Variants in GRIK2 observed in about 807,000 individuals in gnomAD.
GRIK2 encodes the protein glutamate ionotropic receptor kainate type subunit 2.
In GRIK2, 32 loss-of-function variants were observed where a neutral mutation model predicts 100.3. That is an observed-to-expected ratio of 0.32 (90% CI 0.24 to 0.43). GRIK2 has a LOEUF of 0.43. Ranked by LOEUF, GRIK2 falls within the 20% of genes least tolerant of loss-of-function variation. The probability of loss-of-function intolerance (pLI) is 1.00; values close to 1 mark genes in which losing one functional copy is unlikely to be tolerated. For synonymous variants in GRIK2, 417 were observed against 389.4 expected, an observed-to-expected ratio of 1.07 and a Z score of -0.83; for missense variants, 843 against 1,114.9, an observed-to-expected ratio of 0.76 and a Z score of 3.47.
intron 2 of GRIK2, among the ~76,000 whole-genome samples, chr6:101,569,277 A>AG (rs1777426316): frequency 6.6e-6 from 1 of 152,020 alleles, no homozygotes; most frequent in Non-Finnish European, 1.5e-5. Context: ...AAATTATATA[A>AG]GGGAAAAATA....
chr6:101,940,121 G>A (rs1790868086), intron 14 of GRIK2, among the ~76,000 whole-genome samples: 1 of 152,126 alleles, frequency 6.6e-6, no homozygotes, highest in Non-Finnish European at 1.5e-5. Context: ...TTCACAAGAA[G>A]CCAAATATAC....
intron 7 of GRIK2, among the ~76,000 whole-genome samples, chr6:101,769,793 C>T (rs140126529): frequency 4.6e-5 from 7 of 152,106 alleles, no homozygotes; most frequent in East Asian, 1.9e-4. Flanking sequence ...GGAATATGCA[C>T]GTCAAAGTAA....
intron 2 of GRIK2, among the ~76,000 whole-genome samples, chr6:101,607,336 C>T (rs1779483143): frequency 1.3e-5 from 2 of 151,936 alleles, no homozygotes; most frequent in Admixed American, 1.3e-4. Flanking sequence ...AACATGTACA[C>T]TGTACACAGT....
chr6:101,676,741 A>G lies in GRIK2; in HGVS notation c.660A>G (p.Arg220=). ...AACCCTTACTAAAAGAAATGAAAAGAGGCAAGGAGTTTCATGTAATCTTTG... is the reference window on the plus strand; with the variant it reads ...AACCCTTACTAAAAGAAATGAAAAGGGGCAAGGAGTTTCATGTAATCTTTG... ...DAKPLLKEMK[R]GKEFHVIFDC... is the part of the protein sequence containing the mutation. Residue 220 remains arginine, a synonymous_variant, in exon 5 of 17, where the codon AGA becomes AGG. Transcript: ENST00000369134. 6.2e-7 allele frequency: 1 copy of G among 1,609,016 alleles called. No homozygotes were observed. The highest frequency in any genetic ancestry group is 8.5e-7 in the Non-Finnish European group (1 of 1,176,980).
Position 101,924,665 on chromosome 6 carries a change from A to T in GRIK2, c.1813A>T (p.Asn605Tyr), listed in dbSNP as rs150033177. The T allele has an allele frequency of 6.2e-7, 1 of 1,612,582 alleles. No homozygotes were observed. The change falls in exon 13 of 17, where the codon AAT becomes TAT. Residue 605 changes from asparagine (N) to tyrosine (Y), a missense_variant. By Grantham distance (143) the Asn-to-Tyr change is moderately radical. This residue lies in a region of GRIK2 where 237 missense variants were observed against 388.0 expected (regional missense o/e 0.61). Transcript: ENST00000369134. ...CNPDSDVVEN[N>Y]FTLLNSFWFG... is the part of the protein sequence containing the mutation. ...CCCTGACTCAGACGTGGTGGAAAACAATTTTACCTTGCTAAATAGTTTCTG... is the reference window on the plus strand; with the variant it reads ...CCCTGACTCAGACGTGGTGGAAAACTATTTTACCTTGCTAAATAGTTTCTG...
Position 101,991,159 on chromosome 6 carries a change from G to C in GRIK2, c.2086-44182G>C, listed in dbSNP as rs148700622. On this transcript the variant is annotated intron_variant, in intron 14 of 16. Transcript: ENST00000369134. ...ACTATCATCCCAGTTTCTAATGCTA[G>C]TGAGTCTCAATCACACAATGATTAT... Among the ~76,000 whole-genome samples the C allele has an allele frequency of 1.6e-3, 238 of 151,934 alleles. 2 individuals carry two copies. In the East Asian group the frequency reaches 0.034, roughly 21 times the overall value.
chr6:101,867,658 A>G (rs183845164), intron 11 of GRIK2, among the ~76,000 whole-genome samples: 1 of 151,744 alleles, frequency 6.6e-6, no homozygotes, highest in Admixed American at 6.6e-5. Context: ...ATATTTTATT[A>G]AAAAAGGTAT....
intron 16 of GRIK2, among the ~76,000 whole-genome samples, chr6:102,060,607 A>G (rs1771698100): frequency 6.6e-6 from 1 of 150,742 alleles, no homozygotes. Context: ...GGTAAGGTAT[A>G]GGAATGCAAA....
At chr6:101,448,009 A>G (rs1770472962) in intron 2 of GRIK2, among the ~76,000 whole-genome samples, 1 of 151,718 alleles carries the variant, frequency 6.6e-6, no homozygotes, top group South Asian at 2.1e-4. Flanking sequence ...ATTACTTTAT[A>G]TGCTATAATT....
chr6:101,849,693 A>T (rs146802888), intron 10 of GRIK2, among the ~76,000 whole-genome samples: 20 of 152,104 alleles, frequency 1.3e-4, no homozygotes, highest in African/African-American at 4.8e-4. Flanking sequence ...TTTTCAGGAA[A>T]ATATGAACTG....
chr6:101,477,865 G>C (rs1772324760), intron 2 of GRIK2, among the ~76,000 whole-genome samples: 1 of 152,098 alleles, frequency 6.6e-6, no homozygotes, highest in African/African-American at 2.4e-5. Flanking sequence ...ATTGTGAATT[G>C]CATCATAATA....
At chr6:102,052,491 C>T (rs2852615) in intron 15 of GRIK2, among the ~76,000 whole-genome samples, 58,344 of 151,902 alleles carry the variant, frequency 0.38, 11,552 homozygotes, top group Middle Eastern at 0.47. Context: ...GTTCAGCTGG[C>T]GAAAAGTCAA....
chr6:101,947,845 C>A (rs868705341), intron 14 of GRIK2, among the ~76,000 whole-genome samples: 1 of 152,150 alleles, frequency 6.6e-6, no homozygotes, highest in East Asian at 1.9e-4. Flanking sequence ...TACATCGACA[C>A]TTTATCCTTT....
intron 3 of GRIK2, 142 bp downstream of exon 3, chr6:101,622,258 A>C (rs1582842384): frequency 1.8e-6 from 1 of 547,318 alleles, no homozygotes; most frequent in East Asian, 2.9e-5. Flanking sequence ...AAATGCATAT[A>C]AATTTTATCA....
chr6:101,693,405 T>C (rs76049352), intron 7 of GRIK2, among the ~76,000 whole-genome samples: 7,280 of 151,834 alleles, frequency 0.048, 249 homozygotes, highest in East Asian at 0.14. Flanking sequence ...TTTTCTTCAG[T>C]CTCTTATTTT....
intron 10 of GRIK2, among the ~76,000 whole-genome samples, chr6:101,828,817 C>T (rs530253629): frequency 6.6e-6 from 1 of 152,082 alleles, no homozygotes; most frequent in African/African-American, 2.4e-5. Flanking sequence ...GGACTCACAA[C>T]TGAATTCTAT....
At chr6:101,598,338 G>A (rs865864764) in intron 2 of GRIK2, among the ~76,000 whole-genome samples, 1 of 151,412 alleles carries the variant, frequency 6.6e-6, no homozygotes, top group Admixed American at 6.6e-5. Flanking sequence ...TCATCCTGCG[G>A]GCAACACCAG....
At chr6:101,427,519 C>T (rs1016505756) in intron 2 of GRIK2, among the ~76,000 whole-genome samples, 3 of 152,142 alleles carry the variant, frequency 2.0e-5, no homozygotes, top group African/African-American at 4.8e-5. Context: ...GTGCTGTTAT[C>T]GTAAAGTGCA....
intron 4 of GRIK2, among the ~76,000 whole-genome samples, chr6:101,674,492 T>C (rs1770680832): frequency 6.6e-6 from 1 of 152,224 alleles, no homozygotes; most frequent in African/African-American, 2.4e-5. Context: ...TTTCTGAATG[T>C]ATAGTTTTCT....
Sources: allele counts gnomAD v4.1 joint callset (sites outside exome capture counted in the v4.1 genomes callset), GRCh38; gene constraint gnomAD v4.1.1; regional missense constraint gnomAD v4.1.1; transcripts MANE v1.5; gene names NCBI Gene and HGNC (gene_info 2026-07-23, HGNC 2026-07-21).